Variants in XIRP2 observed in about 807,000 individuals in gnomAD.
XIRP2 encodes xin actin binding repeat containing 2, also known as xin actin-binding repeat-containing protein 2.
Under a neutral mutation model 277.0 loss-of-function variants are expected in XIRP2, and 236 were observed. The ratio of observed to expected loss-of-function variants is 0.85; its 90% confidence interval spans 0.77 to 0.95. The LOEUF (loss-of-function observed/expected upper bound fraction) is 0.95. XIRP2 is among the 40% of genes least tolerant of loss of function. XIRP2 has a pLI of 0.00. For synonymous variants in XIRP2, 1,490 were observed against 1,416.5 expected, an observed-to-expected ratio of 1.05 and a Z score of -1.17; for missense variants, 4,640 against 4,157.5, an observed-to-expected ratio of 1.12 and a Z score of -3.19.
At chr2:167,241,995 G>A in intron 8 of XIRP2, 85 bp downstream of exon 8, 1 of 1,438,426 alleles carries the variant, frequency 7.0e-7, no homozygotes, top group South Asian at 1.7e-5. Flanking sequence ...GAATACTTGA[G>A]GTGGCTTTTC....
rs541534752 is a variant in XIRP2, at chr2:167,245,858, A to C, written c.4466A>C (p.Gln1489Pro). 4.9e-5 allele frequency: 79 copies of C among 1,613,796 alleles called. No homozygotes were observed. In the South Asian group the frequency reaches 8.2e-4, roughly 17 times the overall value. Residue 1489 changes from glutamine to proline, a missense_variant, in exon 9 of 11, where the codon CAG (glutamine) becomes CCG (proline). Gln to Pro is a moderately conservative substitution (Grantham distance 76, BLOSUM62 -1). Coordinates refer to ENST00000409195, the MANE Select transcript of XIRP2 (RefSeq NM_152381.6). ...QEDVQKGDVK[Q>P]AVWLFENRTF... Reference sequence around the variant, plus strand: ...GATGTGCAGAAAGGTGATGTTAAGCAGGCTGTGTGGCTTTTTGAAAATCGA... The same window carrying C: ...GATGTGCAGAAAGGTGATGTTAAGCCGGCTGTGTGGCTTTTTGAAAATCGA...
At chr2:167,149,110 A>T (rs1488707227) in intron 3 of XIRP2, among the ~76,000 whole-genome samples, 3 of 152,118 alleles carry the variant, frequency 2.0e-5, no homozygotes, top group African/African-American at 7.2e-5. Context: ...GTCTGAGTGG[A>T]TGGAAAATAA....
intron 3 of XIRP2, chr2:167,184,410 AT>A: frequency 3.2e-6 from 2 of 622,008 alleles, no homozygotes; most frequent in Non-Finnish European, 2.9e-6. Context: ...GTATCCTGCT[AT>A]CCTGTGAAAT....
chr2:166,969,195 G>A (rs1686508135), intron 2 of XIRP2, among the ~76,000 whole-genome samples: 1 of 151,982 alleles, frequency 6.6e-6, no homozygotes, highest in Non-Finnish European at 1.5e-5. Context: ...ATTCTGAAGA[G>A]AACTAATGAA....
At chr2:166,994,148 TA>T (rs1422145296) in intron 2 of XIRP2, among the ~76,000 whole-genome samples, 5 of 3,084 alleles carry the variant, frequency 1.6e-3, no homozygotes, top group African/African-American at 0.01. Flanking sequence ...TATGCAGCCA[TA>T]AAAAATGATG....
At chr2:166,961,307 G>A (rs975494775) in intron 2 of XIRP2, among the ~76,000 whole-genome samples, 1 of 151,714 alleles carries the variant, frequency 6.6e-6, no homozygotes, top group Non-Finnish European at 1.5e-5. Context: ...AAATTCAGCA[G>A]AATGTCATCA....
chr2:166,996,353 G>A (rs1262788430), intron 2 of XIRP2, among the ~76,000 whole-genome samples: 1 of 152,154 alleles, frequency 6.6e-6, no homozygotes, highest in Non-Finnish European at 1.5e-5. Flanking sequence ...TAGTTGGGCT[G>A]GGCACAGTGG....
At chr2:167,133,013 G>A (rs1402602522) in intron 2 of XIRP2, among the ~76,000 whole-genome samples, 2 of 152,072 alleles carry the variant, frequency 1.3e-5, no homozygotes, top group East Asian at 1.9e-4. Context: ...TTGAACATTA[G>A]GTGTTCAATG....
chr2:167,082,367 C>A (rs1689763691), intron 2 of XIRP2, among the ~76,000 whole-genome samples: 1 of 151,906 alleles, frequency 6.6e-6, no homozygotes, highest in South Asian at 2.1e-4. Context: ...TGGGTTGGTT[C>A]CAAGTCTTTG....
chr2:167,236,084 T>C (rs1694891678), intron 5 of XIRP2, among the ~76,000 whole-genome samples: 1 of 151,838 alleles, frequency 6.6e-6, no homozygotes, highest in African/African-American at 2.4e-5. Flanking sequence ...TTATTAAAAA[T>C]GAGATTAGTA....
At position 167,245,581 on chromosome 2, in the gene XIRP2, G is replaced by C; in HGVS notation, c.4189G>C (p.Asp1397His). 1 of 1,613,642 alleles carries C rather than the reference G, an allele frequency of 6.2e-7. No individual in the cohort carries two copies. Among genetic ancestry groups the C allele is most frequent in the Non-Finnish European group, 8.5e-7 (1 of 1,179,740 alleles). Residue 1397 changes from aspartate (D) to histidine (H), a missense_variant, in exon 9 of 11, where the codon GAT (aspartate) becomes CAT (histidine). Coordinates refer to ENST00000409195, the MANE Select transcript of XIRP2 (RefSeq NM_152381.6). ...VRYRFETQPL[D>H]QISEESHNIM... is the part of the protein sequence containing the mutation. ...ATACAGATTTGAAACTCAGCCACTG[G>C]ATCAGATTTCTGAAGAATCACATAA...
rs1695356132 is a variant in XIRP2 at position 167,248,484 on chromosome 2, G to T, written c.7092G>T (p.Leu2364=). Residue 2364 remains leucine (L), a synonymous_variant, in exon 9 of 11, where the codon CTG becomes CTT. Coordinates refer to ENST00000409195, the MANE Select transcript of XIRP2 (RefSeq NM_152381.6). ...KSERESSSMF[L]PPPPPPTPSQ... is the part of the protein sequence containing the mutation. The stretch of plus-strand genomic sequence containing the variant: ...AAAGAGAAAGTTCATCGATGTTTCT[G>T]CCGCCTCCTCCTCCTCCAACTCCAT... 3.1e-6 allele frequency: 5 copies of T among 1,613,504 alleles called. No homozygotes were observed. Among genetic ancestry groups the T allele is most frequent in the Non-Finnish European group, 3.4e-6 (4 of 1,179,724 alleles).
intron 3 of XIRP2, among the ~76,000 whole-genome samples, chr2:167,192,976 T>A (rs1477063061): frequency 1.3e-5 from 2 of 152,190 alleles, no homozygotes; most frequent in African/African-American, 4.8e-5. Context: ...TTTTTAGGAA[T>A]GGAACTGTAC....
At position 167,257,885 on chromosome 2, in the gene XIRP2, C is replaced by G; in HGVS notation, c.*68C>G. 4 of 1,605,234 alleles carry G rather than the reference C, an allele frequency of 2.5e-6. No homozygotes were observed. Among genetic ancestry groups the G allele is most frequent in the Non-Finnish European group, 3.4e-6 (4 of 1,177,252 alleles). On this transcript the variant is annotated 3_prime_UTR_variant, in exon 11 of 11. Transcript: ENST00000409195. ...GGGAAATTATGCATCACTTCATGGA[C>G]AAATATACTGTAAACCTCACTTTAA...
intron 2 of XIRP2, among the ~76,000 whole-genome samples, chr2:166,915,580 A>G (rs1371224170): frequency 2.0e-5 from 3 of 152,154 alleles, no homozygotes; most frequent in African/African-American, 7.2e-5. Context: ...TTAGAGAATG[A>G]GGCCACTAAA....
rs371986393 is a variant in XIRP2, at chr2:167,034,735, A to G, written c.409-101174A>G. Among the ~76,000 whole-genome samples the G allele has an allele frequency of 8.5e-5, 13 of 152,348 alleles. No homozygotes were observed. The South Asian group carries it at 2.7e-3, about 32-fold the overall frequency. ...AAAGGAGTCAATTCAGCAAGAGTAT[A>G]TAACAATTTTAAATATTTACGCACC... On this transcript the variant is annotated intron_variant, in intron 2 of 10. Transcript: ENST00000409195.
At chr2:166,922,463 C>G (rs558756779) in intron 2 of XIRP2, among the ~76,000 whole-genome samples, 1 of 152,048 alleles carries the variant, frequency 6.6e-6, no homozygotes, top group Non-Finnish European at 1.5e-5. Context: ...TTGTGACTCT[C>G]CAGTATTGAG....
At chr2:167,134,158 G>A (rs1691466257) in intron 2 of XIRP2, among the ~76,000 whole-genome samples, 1 of 151,338 alleles carries the variant, frequency 6.6e-6, no homozygotes, top group Non-Finnish European at 1.5e-5. Flanking sequence ...TGTAATAAAT[G>A]TATGTACACA....
intron 4 of XIRP2, among the ~76,000 whole-genome samples, chr2:167,213,345 C>G (rs1694113228): frequency 6.6e-6 from 1 of 152,058 alleles, no homozygotes; most frequent in South Asian, 2.1e-4. Flanking sequence ...GAGCTGTAGC[C>G]CAAGGTTTTA....
Sources: gnomAD v4.1 joint callset for allele counts (sites outside exome capture counted in the v4.1 genomes callset) on GRCh38, gnomAD v4.1.1 for gene constraint, MANE v1.5 for transcripts, NCBI Gene and HGNC (gene_info 2026-07-23, HGNC 2026-07-21) for gene names.